The following BCL11A variants were observed in gnomAD, a reference collection of about 807,000 sequenced individuals.
BCL11A encodes BCL11 transcription factor A.
A neutral mutation model predicts 55.9 loss-of-function variants in BCL11A; 2 were observed. The ratio of observed to expected loss-of-function variants is 0.04; its 90% CI spans 0.01 to 0.11. The LOEUF is 0.11. Ranked by LOEUF, BCL11A falls within the 10% of genes least tolerant of loss-of-function variation. The pLI is 1.00. For synonymous variants in BCL11A, 465 were observed against 473.4 expected, an observed-to-expected ratio of 0.98 and a Z score of 0.23; for missense variants, 817 against 1,137.1, an observed-to-expected ratio of 0.72 and a Z score of 4.05.
intron 2 of BCL11A, among the ~76,000 whole-genome samples, chr2:60,469,977 G>A (rs182205800): frequency 6.6e-6 from 1 of 152,286 alleles, no homozygotes; most frequent in East Asian, 1.9e-4. Context: ...GCACTTAGAA[G>A]TGTTGTTGTT....
Position 60,499,193 on chromosome 2 carries a change from C to T in BCL11A, c.386-30360G>A, listed in dbSNP as rs1429287311. Among the ~76,000 whole-genome samples, 24 of 152,284 alleles carry T rather than the reference C, an allele frequency of 1.6e-4. 1 individual carries two copies. Among genetic ancestry groups the T allele is most frequent in the Non-Finnish European group, 1.6e-4 (11 of 68,026 alleles). On this transcript the variant is annotated intron_variant, in intron 2 of 3. Coordinates refer to ENST00000642384, the MANE Select transcript of BCL11A (RefSeq NM_022893.4). ...CAAAGAGCTGGAGAACAGTATCTGG[C>T]CACAGAACCTAAGGCCTGGTAGAGC...
intron 2 of BCL11A, chr2:60,544,333 C>T (rs939255147): frequency 1.1e-4 from 17 of 152,356 alleles, no homozygotes; most frequent in African/African-American, 4.1e-4. Flanking sequence ...CCTTACACTT[C>T]TGTTCATTTT....
downstream of BCL11A, among the ~76,000 whole-genome samples, chr2:60,454,265 T>C (rs1333770864): frequency 6.6e-6 from 1 of 152,210 alleles, no homozygotes; most frequent in Non-Finnish European, 1.5e-5. Flanking sequence ...TCCATTTCTC[T>C]AACAATGGGT....
chr2:60,462,481 AT>A, intron 3 of BCL11A, 57 bp from the exon 4 acceptor site: 1 of 1,549,654 alleles, frequency 6.5e-7, no homozygotes, highest in Non-Finnish European at 8.7e-7. Context: ...GGCATCAGCA[AT>A]TGCTTATTTA....
intron 3 of BCL11A, among the ~76,000 whole-genome samples, chr2:60,464,212 G>A (rs1456130548): frequency 9.9e-5 from 15 of 152,090 alleles, no homozygotes; most frequent in African/African-American, 3.4e-4. Context: ...CCAAAATTAG[G>A]TTTCAAACAT....
Position 60,460,353 on chromosome 2 carries a change from G to A in BCL11A, c.*51C>T. 1.3e-6 allele frequency: 2 copies of A among 1,545,780 alleles called. No homozygotes were observed. The highest frequency in any genetic ancestry group is 2.3e-5 in the East Asian group (1 of 44,030). ...CTGGAGGGCGATGGGGAAGGGGAGT[G>A]GTGAAAAAGGGGGTGTCAGGTGGGA... is the stretch of plus-strand genomic sequence containing the variant. On this transcript the variant is annotated 3_prime_UTR_variant, in exon 4 of 4. Coordinates refer to ENST00000642384, the MANE Select transcript of BCL11A (RefSeq NM_022893.4).
In BCL11A at chr2:60,461,085, C is replaced by T. The variant is rs769470520; in HGVS notation, c.1827G>A (p.Pro609=). Residue 609 remains proline, a synonymous_variant, in exon 4 of 4, where the codon CCG becomes CCA. Transcript: ENST00000642384. Reference sequence around the variant, plus strand: ...ACAGGCCCCCCGAGGCCGACTCGCCCGGGGAGCAGCCGCGGCCATTAACAG... The same window carrying T: ...ACAGGCCCCCCGAGGCCGACTCGCCTGGGGAGCAGCCGCGGCCATTAACAG... The part of the protein sequence containing the change: ...DGTVNGRGCS[P]GESASGGLSK... The T allele has an allele frequency of 1.2e-6, 2 of 1,602,154 alleles. No homozygotes were observed. The highest frequency in any genetic ancestry group is 2.2e-5 in the South Asian group (2 of 89,882).
chr2:60,538,735 CTCTCTGTG>C (rs746600800), intron 2 of BCL11A, among the ~76,000 whole-genome samples: 894 of 69,190 alleles, frequency 0.013, 2 homozygotes, highest in South Asian at 0.032. Flanking sequence ...CTCTCTCTCT[CTCTCTGTG>C]TGTGTGTGTG....
intron 2 of BCL11A, among the ~76,000 whole-genome samples, chr2:60,492,824 A>T (rs555307488): frequency 2.6e-5 from 4 of 152,298 alleles, no homozygotes; most frequent in Non-Finnish European, 4.4e-5. Flanking sequence ...CTTTAGCTTT[A>T]TTAAGGTATA....
Position 60,461,755 on chromosome 2 carries a change from A to G in BCL11A, c.1157T>C (p.Phe386Ser). The part of the protein sequence containing the change: ...SKSCEFCGKT[F>S]KFQSNLVVHR... ...CACCACCAGGTTGCTCTGAAATTTG[A>G]ACGTCTTGCCGCAGAACTCGCATGA... The change falls in exon 4 of 4, where the codon TTC (phenylalanine) becomes TCC (serine). Residue 386 changes from phenylalanine (F) to serine (S), a missense_variant. Physicochemically the swap from Phe to Ser is radical, Grantham distance 155. This residue lies in a region of BCL11A where 45 missense variants were observed against 109.0 expected (regional missense o/e 0.41). Coordinates refer to ENST00000642384, the MANE Select transcript of BCL11A (RefSeq NM_022893.4). The G allele has an allele frequency of 6.2e-7, 1 of 1,613,510 alleles. No homozygotes were observed.
At position 60,502,495 on chromosome 2, in the gene BCL11A, G is replaced by C. The variant is rs1679348219; in HGVS notation, c.386-33662C>G. ...TTTGAGCTCTGCCATCACACACTTT[G>C]TACATACAATTCTGGGATCTCAGGT... On this transcript the variant is annotated intron_variant, in intron 2 of 3. Transcript: ENST00000642384. Among the ~76,000 whole-genome samples, 3 of 152,322 alleles carry C rather than the reference G, an allele frequency of 2.0e-5. No individual in the cohort carries two copies. In the South Asian group the frequency reaches 6.2e-4, roughly 32 times the overall value.
intron 2 of BCL11A, among the ~76,000 whole-genome samples, chr2:60,532,290 T>C (rs1259387272): frequency 6.6e-6 from 1 of 152,048 alleles, no homozygotes; most frequent in East Asian, 1.9e-4. Flanking sequence ...TTTGAAGTTT[T>C]GAGCGTCAGA....
chr2:60,535,622 G>A (rs1669635788), intron 2 of BCL11A: 1 of 152,232 alleles, frequency 6.6e-6, no homozygotes, highest in Admixed American at 6.5e-5. Flanking sequence ...GGCTTGGAGT[G>A]GCATTAATTT....
In BCL11A at chr2:60,461,537, C is replaced by G; in HGVS notation, c.1375G>C (p.Ala459Pro). 2 of 1,609,484 alleles carry G rather than the reference C, an allele frequency of 1.2e-6. No homozygotes were observed. The highest frequency in any genetic ancestry group is 1.7e-6 in the Non-Finnish European group (2 of 1,179,994). Residue 459 changes from alanine to proline, a missense_variant, in exon 4 of 4, where the codon GCC becomes CCC. Around this residue, in one of 4 missense-constraint regions of BCL11A, gnomAD observed 379 missense variants for 425.3 expected, o/e 0.89. Coordinates refer to ENST00000642384, the MANE Select transcript of BCL11A (RefSeq NM_022893.4). ...ACCACGGACTTGAGCGCGCTGCTGG[C>G]GCTGCCCACCAAGTCGCTGGTGCCG... ...EPGTSDLVGSASSALKSVVAK... is the reference protein window; with the variant it reads ...EPGTSDLVGSPSSALKSVVAK...
downstream of BCL11A, among the ~76,000 whole-genome samples, chr2:60,456,086 T>C (rs1243658439): frequency 2.6e-5 from 4 of 152,200 alleles, no homozygotes; most frequent in Non-Finnish European, 5.9e-5. Flanking sequence ...TGACTTTCTT[T>C]ATACTTTAGA....
intron 2 of BCL11A, among the ~76,000 whole-genome samples, chr2:60,491,123 T>C (rs1678603244): frequency 6.6e-6 from 1 of 152,238 alleles, no homozygotes; most frequent in Non-Finnish European, 1.5e-5. Flanking sequence ...CAACATCTTC[T>C]ATATGTGAAG....
intron 2 of BCL11A, chr2:60,523,023 C>T (rs561564510): frequency 2.0e-5 from 3 of 152,290 alleles, no homozygotes; most frequent in African/African-American, 4.8e-5. Flanking sequence ...ACAAAAATTG[C>T]CTGGCCGTTT....
At chr2:60,496,631 C>G (rs2104366300) in intron 2 of BCL11A, 1 of 152,660 alleles carries the variant, frequency 6.6e-6, no homozygotes. Context: ...CCTTGTACAA[C>G]CCTCTCTCCT....
chr2:60,504,212 C>G (rs764430753), intron 2 of BCL11A, among the ~76,000 whole-genome samples: 3 of 152,236 alleles, frequency 2.0e-5, no homozygotes, highest in Non-Finnish European at 4.4e-5. Flanking sequence ...AGGGCTCATG[C>G]TGCACTGTGG....
Sources: allele counts gnomAD v4.1 joint callset (sites outside exome capture counted in the v4.1 genomes callset), GRCh38; gene constraint gnomAD v4.1.1; regional missense constraint gnomAD v4.1.1; transcripts MANE v1.5; gene names NCBI Gene and HGNC (gene_info 2026-07-23, HGNC 2026-07-21).